C18orf54: variants seen among roughly 807,000 people sequenced by gnomAD.
C18orf54 encodes the protein lung adenoma susceptibility protein 2.
In C18orf54, 49 loss-of-function variants were observed where a neutral mutation model predicts 49.3. That is an observed-to-expected ratio of 0.99 (90% confidence interval 0.79 to 1.26). The LOEUF is 1.26. Among genes scored for constraint, C18orf54 ranks in the 50% most tolerant of loss-of-function variants. The pLI is 0.00. For missense variants in C18orf54, 687 were observed against 620.6 expected (o/e 1.11, Z -1.14); for synonymous variants, 211 against 216.6 (o/e 0.97, Z 0.23).
Position 54,360,631 on chromosome 18 carries a change from T to C in C18orf54, c.59T>C (p.Leu20Pro). 2 of 1,614,114 alleles carry C rather than the reference T, an allele frequency of 1.2e-6. No homozygotes were observed. Among genetic ancestry groups the C allele is most frequent in the African/African-American group, 1.3e-5 (1 of 75,062 alleles). Reference sequence around the variant, plus strand: ...TCTCAGGAATCTTCAGTATCTGCCCTGCTGGCAAGCTGCACCCTGAGTGGT... The same window carrying C: ...TCTCAGGAATCTTCAGTATCTGCCCCGCTGGCAAGCTGCACCCTGAGTGGT... ...LCSQESSVSA[L>P]LASCTLSGSN... The change falls in exon 3 of 9, where the codon CTG becomes CCG. Residue 20 changes from leucine (L) to proline (P), a missense_variant. Leu to Pro is a moderately conservative substitution (Grantham distance 98). Transcript: ENST00000620105.
intron 8 of C18orf54, 151 bp downstream of exon 8, chr18:54,374,435 T>C: frequency 1.2e-6 from 1 of 830,750 alleles, no homozygotes; most frequent in Non-Finnish European, 1.7e-6. Flanking sequence ...TAAAAAACAT[T>C]GTTTTCTTTT....
At chr18:54,372,045 T>A (rs1299397912) in intron 6 of C18orf54, among the ~76,000 whole-genome samples, 1 of 152,048 alleles carries the variant, frequency 6.6e-6, no homozygotes, top group Non-Finnish European at 1.5e-5. Flanking sequence ...CATTCTGTTA[T>A]AAAAACATAT....
intron 8 of C18orf54, among the ~76,000 whole-genome samples, chr18:54,377,510 G>A (rs1282296465): frequency 6.6e-6 from 1 of 152,162 alleles, no homozygotes; most frequent in Admixed American, 6.5e-5. Flanking sequence ...ATAAATTAGA[G>A]AAGGCTTGGA....
intron 8 of C18orf54, among the ~76,000 whole-genome samples, 193 bp downstream of exon 8, chr18:54,374,477 T>G (rs1003983686): frequency 2.0e-5 from 3 of 151,866 alleles, no homozygotes; most frequent in African/African-American, 7.2e-5. Flanking sequence ...CAAAGTGTTC[T>G]AAGGACCTAA....
At chr18:54,360,371 T>G (rs191018372) in intron 2 of C18orf54, among the ~76,000 whole-genome samples, 156 bp from the exon 3 acceptor site, 23 of 152,308 alleles carry the variant, frequency 1.5e-4, no homozygotes, top group African/African-American at 4.3e-4. Flanking sequence ...CAATAATAAA[T>G]ATAACAAAAA....
intron 1 of C18orf54, 98 bp downstream of exon 1, chr18:54,358,173 C>T (rs914144321): frequency 2.6e-5 from 4 of 152,376 alleles, no homozygotes; most frequent in African/African-American, 9.7e-5. Flanking sequence ...TTGTCCCATC[C>T]TGTGACAGCC....
At position 54,360,588 on chromosome 18, in the gene C18orf54, A is replaced by G. The variant is rs1599322974; in HGVS notation, c.16A>G (p.Thr6Ala). The change falls in exon 3 of 9, where the codon ACA (threonine) becomes GCA (alanine). Residue 6 changes from threonine to alanine, a missense_variant. Physicochemically the swap from Thr to Ala is moderately conservative, Grantham distance 58. Coordinates refer to ENST00000620105, the MANE Select transcript of C18orf54 (RefSeq NM_001288980.2). MAKSKTKHRLCSQESS... is the reference protein window; with the variant it reads MAKSKAKHRLCSQESS... The stretch of plus-strand genomic sequence containing the variant: ...TGAAGAAGCCATGGCGAAATCAAAG[A>G]CAAAACATAGACTTTGTTCTCAGGA... 6 of 1,613,894 alleles carry G rather than the reference A, an allele frequency of 3.7e-6. No individual in the cohort carries two copies. The highest frequency in any genetic ancestry group is 4.2e-6 in the Non-Finnish European group (5 of 1,179,800).
intron 8 of C18orf54, among the ~76,000 whole-genome samples, chr18:54,377,356 C>T (rs2089593541): frequency 6.6e-6 from 1 of 152,146 alleles, no homozygotes. Context: ...TCCGGCCCTT[C>T]CTGCACATCT....
rs542540468 is a variant in C18orf54, at chr18:54,379,149, T to C, written c.*903T>C. 5.3e-5 allele frequency: 8 copies of C among 152,214 alleles called. No individual in the cohort carries two copies. The highest frequency in any genetic ancestry group is 1.2e-4 in the Non-Finnish European group (8 of 67,930). 9.4% of individuals were successfully genotyped at this position (152,214 alleles called of 1,614,324 possible). A position where few individuals can be genotyped will look rare whatever the true frequency, so the allele number is the denominator to read the frequency against. On this transcript the variant is annotated 3_prime_UTR_variant, in exon 9 of 9. Transcript: ENST00000620105. ...CTTTCTTTAACACCATCTGTAGTCT[T>C]AAGTTTGTCTCTAGCTAGAACTGAA...
chr18:54,358,007 G>A lies in C18orf54; in HGVS notation c.-212G>A, dbSNP rs1479748267. On this transcript the variant is annotated 5_prime_UTR_variant, in exon 1 of 9. Coordinates refer to ENST00000620105, the MANE Select transcript of C18orf54 (RefSeq NM_001288980.2). ...GAGCCTGAGGCGGGGCGGTGTCCGG[G>A]TTGGGGATGCTTTGTGGTGTCTCGC... 1 of 152,856 alleles carries A rather than the reference G, an allele frequency of 6.5e-6. No individual in the cohort carries two copies. Among genetic ancestry groups the A allele is most frequent in the Non-Finnish European group, 1.5e-5 (1 of 68,438 alleles). 9.5% of individuals were successfully genotyped at this position (152,856 alleles called of 1,614,324 possible). A position where few individuals can be genotyped will look rare whatever the true frequency, so the allele number is the denominator to read the frequency against.
intron 3 of C18orf54, 63 bp downstream of exon 3, chr18:54,360,918 G>A (rs2089256779): frequency 1.7e-5 from 24 of 1,437,802 alleles, no homozygotes; most frequent in Non-Finnish European, 2.2e-5. Flanking sequence ...GAGATGTACT[G>A]TAGTATTGTA....
intron 3 of C18orf54, 129 bp downstream of exon 3, chr18:54,360,984 G>C (rs1194100912): frequency 3.5e-6 from 3 of 863,094 alleles, no homozygotes; most frequent in Non-Finnish European, 5.3e-6. Flanking sequence ...ATTGAGATCT[G>C]GGTGTTTTTG....
chr18:54,377,437 A>C (rs1312409455), intron 8 of C18orf54, among the ~76,000 whole-genome samples: 3 of 151,614 alleles, frequency 2.0e-5, no homozygotes, highest in Non-Finnish European at 4.4e-5. Context: ...AATATGACTA[A>C]TTGATGTTTT....
intron 6 of C18orf54, among the ~76,000 whole-genome samples, chr18:54,369,018 A>G (rs1157087258): frequency 6.6e-6 from 1 of 152,060 alleles, no homozygotes; most frequent in Non-Finnish European, 1.5e-5. Flanking sequence ...TTGAGGAGCC[A>G]TGGTTCTTTG....
rs1422462766 is a variant in C18orf54, at chr18:54,360,563, T to G, written c.-10T>G. On this transcript the variant is annotated 5_prime_UTR_variant, in exon 3 of 9. An upstream open reading frame in the 5' UTR loses its in-frame stop. Transcript: ENST00000620105. ...GGAAATGAATAGAAACAATCCACTT[T>G]GAAGAAGCCATGGCGAAATCAAAGA... The G allele has an allele frequency of 6.2e-7, 1 of 1,612,572 alleles. No individual in the cohort carries two copies. Among genetic ancestry groups the G allele is most frequent in the Non-Finnish European group, 8.5e-7 (1 of 1,179,048 alleles).
intron 7 of C18orf54, among the ~76,000 whole-genome samples, chr18:54,373,770 G>A (rs1347460070): frequency 6.6e-6 from 1 of 151,816 alleles, no homozygotes; most frequent in Non-Finnish European, 1.5e-5. Flanking sequence ...GTAGATCTGT[G>A]AAATTGAGTT....
At chr18:54,374,152 C>G in intron 7 of C18orf54, 62 bp from the exon 8 acceptor site, 1 of 1,224,490 alleles carries the variant, frequency 8.2e-7, no homozygotes, top group East Asian at 2.8e-5. Context: ...ATTTTCAATA[C>G]CATTTAATTT....
Position 54,372,522 on chromosome 18 carries a change from G to A in C18orf54, c.1383G>A (p.Met461Ile), listed in dbSNP as rs1039176891. 1.2e-6 allele frequency: 2 copies of A among 1,610,864 alleles called. No homozygotes were observed. Among genetic ancestry groups the A allele is most frequent in the Admixed American group, 1.7e-5 (1 of 59,924 alleles). Residue 461 changes from methionine (M) to isoleucine (I), a missense_variant, in exon 7 of 9, where the codon ATG (methionine) becomes ATA (isoleucine). By Grantham distance (10) the Met-to-Ile change is conservative (BLOSUM62 1). Transcript: ENST00000620105. ...GTCCTGTTGAAGCCCTGAAACAAAT[G>A]TTATTTAACCTTCAAGCAGTACAAG... ...HHGPVEALKQMLFNLQAVQER... is the reference protein window; with the variant it reads ...HHGPVEALKQILFNLQAVQER...
chr18:54,373,098 C>T (rs570313603), intron 7 of C18orf54, among the ~76,000 whole-genome samples: 11 of 151,644 alleles, frequency 7.3e-5, no homozygotes, highest in African/African-American at 2.2e-4. Flanking sequence ...GTGTATTTCC[C>T]GGGAATTTGA....
Sources: allele counts gnomAD v4.1 joint callset (sites outside exome capture counted in the v4.1 genomes callset), GRCh38; gene constraint gnomAD v4.1.1; transcripts MANE v1.5; gene names NCBI Gene and HGNC (gene_info 2026-07-23, HGNC 2026-07-21).